C9orf153: variants seen among roughly 807,000 people sequenced by gnomAD.
C9orf153 encodes uncharacterized protein C9orf153.
C9orf153 carries 10 observed loss-of-function variants against 9.0 expected under a neutral mutation model. That is an observed-to-expected ratio of 1.11 (90% CI 0.69 to 1.89). The LOEUF (loss-of-function observed/expected upper bound fraction) is 1.89. Ranked by LOEUF, C9orf153 falls within the 40% of genes most tolerant of loss-of-function variation. The pLI is 0.00. For missense variants in C9orf153, 108 were observed against 111.0 expected, an observed-to-expected ratio of 0.97 and a Z score of 0.12; for synonymous variants, 35 against 37.3, an observed-to-expected ratio of 0.94 and a Z score of 0.23.
At chr9:86,235,995 C>T (rs923007632) in intron 1 of C9orf153, among the ~76,000 whole-genome samples, 14 of 151,818 alleles carry the variant, frequency 9.2e-5, no homozygotes, top group African/African-American at 2.4e-4. Context: ...AATGCATAAA[C>T]CCCCCAAAAC....
rs374661275 is a variant in C9orf153, at chr9:86,224,593, T to C, written c.243-2860A>G. 1.3e-4 allele frequency among the ~76,000 whole-genome samples: 20 copies of C among 152,000 alleles called. No individual in the cohort carries two copies. In the South Asian group the frequency reaches 3.9e-3, roughly 30 times the overall value. ...GGTCAGGATAAATACACAGATTCGA[T>C]CACTATATAACACTATTGAAACATA... On this transcript the variant is annotated intron_variant, in intron 3 of 3. Transcript: ENST00000339137.
chr9:86,237,564 C>G (rs1482785647), intron 1 of C9orf153, among the ~76,000 whole-genome samples: 2 of 152,088 alleles, frequency 1.3e-5, no homozygotes, highest in East Asian at 3.9e-4. Context: ...ACTACATGTG[C>G]GTGCCACTGT....
intron 1 of C9orf153, among the ~76,000 whole-genome samples, chr9:86,243,461 CTT>C: frequency 7.5e-6 from 1 of 132,798 alleles, no homozygotes; most frequent in East Asian, 2.9e-4. Flanking sequence ...TTTTCTTTTT[CTT>C]TTCTTCTTTT....
chr9:86,241,962 T>C (rs901200085), intron 1 of C9orf153, among the ~76,000 whole-genome samples: 4 of 152,148 alleles, frequency 2.6e-5, no homozygotes, highest in Non-Finnish European at 4.4e-5. Context: ...GGGGAACTTA[T>C]AGAACATCAT....
intron 3 of C9orf153, 127 bp downstream of exon 3, chr9:86,227,728 C>G: frequency 1.4e-6 from 2 of 1,413,476 alleles, no homozygotes; most frequent in Non-Finnish European, 1.8e-6. Flanking sequence ...GAGGGGAGAT[C>G]CCACACTGTG....
In C9orf153 at chr9:86,220,706, T is replaced by C. The variant is rs529369558; in HGVS notation, c.*982A>G. 1 of 152,328 alleles carries C rather than the reference T, an allele frequency of 6.6e-6. No individual in the cohort carries two copies. Among genetic ancestry groups the C allele is most frequent in the Non-Finnish European group, 1.5e-5 (1 of 68,036 alleles). 9.4% of individuals were successfully genotyped at this position (152,328 alleles called of 1,614,324 possible). On this transcript the variant is annotated 3_prime_UTR_variant, in exon 4 of 4. Transcript: ENST00000339137. The stretch of plus-strand genomic sequence containing the variant: ...TTATTTTCAATATCTTGCTAATCAG[T>C]CTGAGATTTTTCAGTTCAAGGTCTC...
At chr9:86,224,813 C>A (rs1361370819) in intron 3 of C9orf153, among the ~76,000 whole-genome samples, 1 of 150,400 alleles carries the variant, frequency 6.6e-6, no homozygotes, top group Non-Finnish European at 1.5e-5. Flanking sequence ...GTGGTGGGCA[C>A]CTGTAGTCCC....
chr9:86,241,451 C>A (rs1341404986), intron 1 of C9orf153, among the ~76,000 whole-genome samples: 1 of 152,158 alleles, frequency 6.6e-6, no homozygotes, highest in East Asian at 1.9e-4. Flanking sequence ...TCAAACTGAA[C>A]TTGGGTCTGT....
At chr9:86,225,362 C>T (rs11141302) in intron 3 of C9orf153, among the ~76,000 whole-genome samples, 27,368 of 150,600 alleles carry the variant, frequency 0.18, 2,573 homozygotes, top group Middle Eastern at 0.29. Context: ...TTCCTTCCTT[C>T]CTTCTTTCTT....
intron 1 of C9orf153, among the ~76,000 whole-genome samples, chr9:86,246,635 T>C (rs1354640243): frequency 1.3e-5 from 2 of 152,184 alleles, no homozygotes; most frequent in Non-Finnish European, 2.9e-5. Flanking sequence ...CATCTAATTG[T>C]CTTGAGCATG....
chr9:86,226,547 T>C (rs1297789081), intron 3 of C9orf153, among the ~76,000 whole-genome samples: 1 of 152,134 alleles, frequency 6.6e-6, no homozygotes, highest in African/African-American at 2.4e-5. Flanking sequence ...CCACTACTTT[T>C]AATATAAAAA....
chr9:86,243,561 G>A (rs776739622), intron 1 of C9orf153, among the ~76,000 whole-genome samples: 2 of 151,240 alleles, frequency 1.3e-5, no homozygotes, highest in African/African-American at 2.4e-5. Flanking sequence ...TGCCTCCCAG[G>A]TTCAAGCGAT....
chr9:86,254,225 G>C (rs1197960057), intron 1 of C9orf153, among the ~76,000 whole-genome samples: 2 of 152,038 alleles, frequency 1.3e-5, no homozygotes, highest in African/African-American at 4.8e-5. Flanking sequence ...ACACTTGTTA[G>C]ATTCTTACCT....
In C9orf153 at chr9:86,221,741, G is replaced by A. The variant is rs749346437; in HGVS notation, c.243-8C>T. ...GATTCATGAATTGTTTTCCTGAAAA[G>A]AATCATATTTTCAAAGAATCACATG... is the stretch of plus-strand genomic sequence containing the variant. On this transcript the variant is annotated splice_polypyrimidine_tract_variant and splice_region_variant and intron_variant, in intron 3 of 3. Coordinates refer to ENST00000339137, the MANE Select transcript of C9orf153 (RefSeq NM_001276366.4). The A allele has an allele frequency of 2.6e-6, 4 of 1,510,390 alleles. No homozygotes were observed. The South Asian group carries it at 4.8e-5, about 18-fold the overall frequency. 93.6% of individuals were successfully genotyped at this position (1,510,390 alleles called of 1,614,324 possible). A position where few individuals can be genotyped will look rare whatever the true frequency, so the allele number is the denominator to read the frequency against.
chr9:86,256,824 G>A (rs1020154683), intron 1 of C9orf153, among the ~76,000 whole-genome samples: 2 of 152,060 alleles, frequency 1.3e-5, no homozygotes, highest in Non-Finnish European at 2.9e-5. Context: ...CATTTTTCTG[G>A]AATTTGTGAT....
intron 3 of C9orf153, among the ~76,000 whole-genome samples, chr9:86,222,564 G>T (rs2131169112): frequency 6.6e-6 from 1 of 152,200 alleles, no homozygotes; most frequent in East Asian, 1.9e-4. Flanking sequence ...GGTGTCATTA[G>T]CAGTTACAAT....
intron 1 of C9orf153, among the ~76,000 whole-genome samples, chr9:86,252,024 GT>G (rs146371121): frequency 0.46 from 69,575 of 151,180 alleles, 16,645 homozygotes; most frequent in East Asian, 0.84. Flanking sequence ...TCGTTATTTG[GT>G]CTTTTTTGTT....
chr9:86,234,626 G>C (rs905611715), intron 1 of C9orf153, among the ~76,000 whole-genome samples: 1 of 152,038 alleles, frequency 6.6e-6, no homozygotes, highest in Admixed American at 6.5e-5. Context: ...AAAACATAAG[G>C]GTAAATTTTT....
In C9orf153 at chr9:86,225,765, G is replaced by A. The variant is rs150289897; in HGVS notation, c.242+2090C>T. 4.8e-3 allele frequency among the ~76,000 whole-genome samples: 735 copies of A among 152,214 alleles called. 6 individuals are homozygous for A. The highest frequency in any genetic ancestry group is 0.021 in the East Asian group (111 of 5,180). On this transcript the variant is annotated intron_variant, in intron 3 of 3. Coordinates refer to ENST00000339137, the MANE Select transcript of C9orf153 (RefSeq NM_001276366.4). ...CTGCCAAAGTGCTGGGATTATAGGC[G>A]TGAGCCACCATGCCCAGCCAGCATA...
Sources: gnomAD v4.1 joint callset for allele counts (sites outside exome capture counted in the v4.1 genomes callset) on GRCh38, gnomAD v4.1.1 for gene constraint, MANE v1.5 for transcripts, NCBI Gene and HGNC (gene_info 2026-07-23, HGNC 2026-07-21) for gene names.